KAZN: variants seen among roughly 807,000 people sequenced by gnomAD.
The protein encoded by KAZN is kazrin.
A neutral mutation model predicts 87.4 loss-of-function variants in KAZN; 40 were observed. The ratio of observed to expected loss-of-function variants is 0.46; its 90% confidence interval spans 0.36 to 0.60. The LOEUF is 0.60. KAZN is among the 20% of genes least tolerant of loss of function. The pLI is 0.00. For synonymous variants in KAZN, 466 were observed against 458.3 expected (o/e 1.02, Z -0.22); for missense variants, 898 against 1,073.9 (o/e 0.84, Z 2.29).
chr1:14,519,585 T>C (rs913532808), intron 2 of KAZN, among the ~76,000 whole-genome samples: 1 of 152,072 alleles, frequency 6.6e-6, no homozygotes, highest in African/African-American at 2.4e-5. Flanking sequence ...AAAGTCCACT[T>C]TTGAGTTTCT....
At chr1:14,918,413 C>G (rs997369704) in intron 1 of KAZN, among the ~76,000 whole-genome samples, 1 of 151,864 alleles carries the variant, frequency 6.6e-6, no homozygotes, top group Non-Finnish European at 1.5e-5. Context: ...TGGTGGCTCA[C>G]CCCTGTAACC....
intron 1 of KAZN, among the ~76,000 whole-genome samples, chr1:14,807,655 G>T (rs1301062604): frequency 2.1e-4 from 32 of 152,106 alleles, no homozygotes; most frequent in Non-Finnish European, 7.3e-5. Context: ...TGTGGTCCCA[G>T]CTACTCAGGA....
intron 1 of KAZN, among the ~76,000 whole-genome samples, chr1:14,018,014 A>C (rs1640650100): frequency 6.6e-6 from 1 of 152,184 alleles, no homozygotes; most frequent in Admixed American, 6.5e-5. Context: ...GAATGAACTC[A>C]TTTAAGCCTC....
intron 1 of KAZN, among the ~76,000 whole-genome samples, chr1:14,654,819 T>G (rs1157288252): frequency 1.1e-4 from 16 of 152,048 alleles, no homozygotes; most frequent in Admixed American, 9.8e-4. Flanking sequence ...GGAGGAATAG[T>G]CCCCTCCTCT....
intron 1 of KAZN, among the ~76,000 whole-genome samples, chr1:14,171,633 G>T (rs1645956073): frequency 6.6e-6 from 1 of 152,196 alleles, no homozygotes; most frequent in Non-Finnish European, 1.5e-5. Context: ...AACATGCAGA[G>T]ATAAATTTGG....
rs149352123 is a variant in KAZN at position 14,956,770 on chromosome 1, C to G, written c.227-3914C>G. Among the ~76,000 whole-genome samples, 563 of 152,150 alleles carry G rather than the reference C, an allele frequency of 3.7e-3. 3 individuals are homozygous for G. The highest frequency in any genetic ancestry group is 0.017 in the Middle Eastern group (5 of 292). On this transcript the variant is annotated intron_variant, in intron 1 of 14. Transcript: ENST00000376030. ...GGATGGTAGATTGAAGAGTATTGAT[C>G]GAGAGGAGAAAATTCCAGCCTTGGC...
intron 1 of KAZN, among the ~76,000 whole-genome samples, chr1:14,167,263 A>C (rs1645848972): frequency 6.6e-6 from 1 of 152,214 alleles, no homozygotes. Context: ...GCCATTTTGC[A>C]TTCCATTCCA....
chr1:14,525,357 G>T (rs1005483525), intron 2 of KAZN, among the ~76,000 whole-genome samples: 1 of 151,974 alleles, frequency 6.6e-6, no homozygotes, highest in South Asian at 2.1e-4. Context: ...TTCTGTAAAG[G>T]GCCAGTTACT....
At chr1:14,921,976 T>C (rs1351323581) in intron 1 of KAZN, among the ~76,000 whole-genome samples, 1 of 152,232 alleles carries the variant, frequency 6.6e-6, no homozygotes, top group Non-Finnish European at 1.5e-5. Context: ...CCTCCCAAAG[T>C]GCTGGGATTC....
At chr1:14,662,982 T>TATATATATATATATATATA (rs1639294768) in intron 1 of KAZN, among the ~76,000 whole-genome samples, 1 of 145,834 alleles carries the variant, frequency 6.9e-6, no homozygotes, top group South Asian at 2.1e-4. Context: ...TATATATATA[T>TATATATATATATATATATA]TTTAGAGAGG....
chr1:14,438,050 A>G (rs1666499715), intron 2 of KAZN, among the ~76,000 whole-genome samples: 1 of 150,602 alleles, frequency 6.6e-6, no homozygotes, highest in South Asian at 2.1e-4. Context: ...TCCTTCTGCC[A>G]CCAGTTAAAC....
chr1:14,258,291 C>T (rs1309666307), intron 2 of KAZN, among the ~76,000 whole-genome samples: 1 of 149,918 alleles, frequency 6.7e-6, no homozygotes, highest in African/African-American at 2.5e-5. Context: ...TCTTGGCTCA[C>T]TGCAAGCTCT....
chr1:15,103,863 C>T lies in KAZN; in HGVS notation c.1882-160C>T, dbSNP rs145830650. ...ACAGGAGGTCCCTGACCTCGTGGCT[C>T]TAAAAAATTGGGGAGGGGTTCCTCT... On this transcript the variant is annotated intron_variant, in intron 12 of 14. Transcript: ENST00000376030. Among the ~76,000 whole-genome samples, 609 of 152,276 alleles carry T rather than the reference C, an allele frequency of 4.0e-3. 5 individuals carry two copies. Among genetic ancestry groups the T allele is most frequent in the African/African-American group, 0.014 (577 of 41,570 alleles).
At chr1:14,585,381 C>T (rs766937624) in intron 2 of KAZN, among the ~76,000 whole-genome samples, 1 of 152,190 alleles carries the variant, frequency 6.6e-6, no homozygotes, top group Non-Finnish European at 1.5e-5. Flanking sequence ...TGTGGATCTG[C>T]ACAATGGCAG....
At chr1:14,626,222 T>A (rs2148650967) in intron 1 of KAZN, among the ~76,000 whole-genome samples, 1 of 152,370 alleles carries the variant, frequency 6.6e-6, no homozygotes, top group East Asian at 1.9e-4. Context: ...AATTAATGAC[T>A]TCTGGCTGTC....
chr1:15,008,786 C>T (rs1040815650), intron 2 of KAZN, among the ~76,000 whole-genome samples: 3 of 151,982 alleles, frequency 2.0e-5, no homozygotes, highest in Non-Finnish European at 2.9e-5. Flanking sequence ...GGCCCAGGAG[C>T]CCTGGGCAGA....
intron 1 of KAZN, among the ~76,000 whole-genome samples, chr1:13,910,842 A>G (rs556089632): frequency 8.5e-5 from 13 of 152,228 alleles, no homozygotes; most frequent in African/African-American, 3.1e-4. Flanking sequence ...ACTGCTATAA[A>G]GAAATACCTG....
At chr1:14,698,160 A>C (rs2143298) in intron 1 of KAZN, among the ~76,000 whole-genome samples, 5 of 152,164 alleles carry the variant, frequency 3.3e-5, no homozygotes, top group African/African-American at 1.2e-4. Flanking sequence ...CCATCTGCAA[A>C]ATTAGTGACT....
At chr1:14,149,211 C>T (rs1480912984) in intron 1 of KAZN, among the ~76,000 whole-genome samples, 2 of 146,438 alleles carry the variant, frequency 1.4e-5, no homozygotes, top group Non-Finnish European at 3.0e-5. Flanking sequence ...AAGTGATTCT[C>T]CTGCCTCAGC....
Sources: gnomAD v4.1 joint callset for allele counts (sites outside exome capture counted in the v4.1 genomes callset) on GRCh38, gnomAD v4.1.1 for gene constraint, MANE v1.5 for transcripts, NCBI Gene and HGNC (gene_info 2026-07-23, HGNC 2026-07-21) for gene names.